NALCN: variants seen among roughly 807,000 people sequenced by gnomAD.
The protein encoded by NALCN is sodium leak channel, non-selective, also known as sodium leak channel NALCN.
A neutral mutation model predicts 225.3 loss-of-function variants in NALCN; 111 were observed. The ratio of observed to expected loss-of-function variants is 0.49; its 90% CI spans 0.42 to 0.58. The LOEUF (loss-of-function observed/expected upper bound fraction) is 0.58, where lower values mean the gene tolerates loss of function less well. Among genes scored for constraint, NALCN ranks in the 20% least tolerant of loss-of-function variants. The probability of loss-of-function intolerance (pLI) is 0.00; values close to 1 mark genes in which losing one functional copy is unlikely to be tolerated. For synonymous variants in NALCN, 764 were observed against 769.0 expected, an observed-to-expected ratio of 0.99 and a Z score of 0.11; for missense variants, 1,378 against 2,202.4, an observed-to-expected ratio of 0.63 and a Z score of 7.49.
chr13:101,135,859 A>T (rs1323864258), intron 17 of NALCN, among the ~76,000 whole-genome samples: 1 of 152,216 alleles, frequency 6.6e-6, no homozygotes, highest in Non-Finnish European at 1.5e-5. Flanking sequence ...TAAATTTCCA[A>T]GATAGATTTA....
At chr13:101,235,095 TATATA>T (rs1239627815) in intron 12 of NALCN, among the ~76,000 whole-genome samples, 8 of 151,742 alleles carry the variant, frequency 5.3e-5, no homozygotes, top group South Asian at 2.1e-4. Flanking sequence ...TGTAGTTATG[TATATA>T]ATATAATTTA....
At chr13:101,366,674 T>C (rs187516900) in intron 6 of NALCN, among the ~76,000 whole-genome samples, 1 of 152,302 alleles carries the variant, frequency 6.6e-6, no homozygotes, top group East Asian at 1.9e-4. Flanking sequence ...ATTGTATTAC[T>C]TTAATGCAGC....
Position 101,274,431 on chromosome 13 carries a change from T to C in NALCN, c.1134+9502A>G, listed in dbSNP as rs78506948. Among the ~76,000 whole-genome samples the C allele has an allele frequency of 7.8e-3, 1,190 of 152,352 alleles. 22 individuals carry two copies. Among genetic ancestry groups the C allele is most frequent in the African/African-American group, 0.026 (1,091 of 41,590 alleles). The stretch of plus-strand genomic sequence containing the variant: ...TATGTGACCTTCATCAAATTCCTTA[T>C]GCTGTCTGTGCCTCAACCTCCTCTT... On this transcript the variant is annotated intron_variant, in intron 10 of 43. Coordinates refer to ENST00000251127, the MANE Select transcript of NALCN (RefSeq NM_052867.4).
At chr13:101,390,463 C>A (rs2047113648) in intron 3 of NALCN, among the ~76,000 whole-genome samples, 2 of 152,082 alleles carry the variant, frequency 1.3e-5, no homozygotes, top group Admixed American at 6.5e-5. Flanking sequence ...AAAGGAAAGA[C>A]CAAACCATAG....
intron 7 of NALCN, among the ~76,000 whole-genome samples, chr13:101,296,122 C>A (rs928423602): frequency 1.3e-5 from 2 of 152,174 alleles, no homozygotes; most frequent in African/African-American, 4.8e-5. Flanking sequence ...TTAGTACTCC[C>A]AGAGAGCCTC....
intron 15 of NALCN, among the ~76,000 whole-genome samples, chr13:101,154,231 C>T (rs565929624): frequency 2.0e-5 from 3 of 152,296 alleles, no homozygotes; most frequent in East Asian, 1.9e-4. Flanking sequence ...AATTAGCTGC[C>T]TGAAGTCACA....
intron 10 of NALCN, among the ~76,000 whole-genome samples, chr13:101,275,571 T>C (rs969236628): frequency 6.6e-6 from 1 of 152,140 alleles, no homozygotes. Flanking sequence ...CAGAGTCTTA[T>C]CTCTAACAGA....
chr13:101,389,189 T>C (rs1205078740), intron 3 of NALCN, among the ~76,000 whole-genome samples: 4 of 152,188 alleles, frequency 2.6e-5, no homozygotes, highest in Non-Finnish European at 5.9e-5. Flanking sequence ...TCATTGAAGC[T>C]ATGGAGGATG....
intron 6 of NALCN, among the ~76,000 whole-genome samples, chr13:101,355,215 A>C (rs2046019086): frequency 6.6e-6 from 1 of 152,148 alleles, no homozygotes; most frequent in African/African-American, 2.4e-5. Flanking sequence ...ACCATGAGCC[A>C]ATTAAACCTT....
chr13:101,128,426 G>A (rs753149862), intron 17 of NALCN, among the ~76,000 whole-genome samples: 4 of 152,180 alleles, frequency 2.6e-5, no homozygotes, highest in Non-Finnish European at 5.9e-5. Flanking sequence ...ATTTGGACCT[G>A]AAAGACATTC....
chr13:101,184,418 T>C (rs1216127486), intron 14 of NALCN, among the ~76,000 whole-genome samples: 3 of 152,214 alleles, frequency 2.0e-5, no homozygotes, highest in African/African-American at 7.2e-5. Flanking sequence ...CTTTCTCTAA[T>C]ACCTCCTCTT....
Position 101,395,137 on chromosome 13 carries a change from T to A in NALCN, c.291+46A>T, listed in dbSNP as rs376126516. 3.2e-6 allele frequency: 5 copies of A among 1,551,594 alleles called. No individual in the cohort carries two copies. In the Admixed American group the frequency reaches 9.6e-5, roughly 30 times the overall value. ...AAATATGATTAAAGGGATTAAGACT[T>A]TCAACACATTTAGGTTCTTAGTTTA... On this transcript the variant is annotated intron_variant, in intron 3 of 43. Transcript: ENST00000251127.
At chr13:101,234,643 G>T (rs1424675399) in intron 12 of NALCN, among the ~76,000 whole-genome samples, 1 of 152,156 alleles carries the variant, frequency 6.6e-6, no homozygotes, top group Non-Finnish European at 1.5e-5. Flanking sequence ...AATTAACTGA[G>T]ATCATTTTTA....
intron 10 of NALCN, among the ~76,000 whole-genome samples, chr13:101,278,279 C>T (rs1470839995): frequency 6.6e-6 from 1 of 152,006 alleles, no homozygotes; most frequent in African/African-American, 2.4e-5. Context: ...AATCCCAGCA[C>T]TTTGGGAGGC....
At chr13:101,322,697 C>A (rs1462707548) in intron 7 of NALCN, among the ~76,000 whole-genome samples, 1 of 151,996 alleles carries the variant, frequency 6.6e-6, no homozygotes, top group Admixed American at 6.6e-5. Context: ...ATTTAAAAAT[C>A]TCTAAGCGTG....
intron 28 of NALCN, among the ~76,000 whole-genome samples, chr13:101,090,887 T>C (rs753220830): frequency 2.6e-5 from 4 of 152,156 alleles, no homozygotes; most frequent in Non-Finnish European, 5.9e-5. Flanking sequence ...CCATTTGAAG[T>C]CCCCGCTGTC....
intron 12 of NALCN, among the ~76,000 whole-genome samples, chr13:101,237,157 C>T (rs1438981149): frequency 1.3e-5 from 2 of 151,444 alleles, no homozygotes; most frequent in Non-Finnish European, 2.9e-5. Flanking sequence ...AATTAGAAAG[C>T]AATGTGATCC....
chr13:101,124,818 T>A, intron 17 of NALCN, 137 bp from the exon 18 acceptor site: 1 of 818,788 alleles, frequency 1.2e-6, no homozygotes, highest in Non-Finnish European at 1.9e-6. Flanking sequence ...AATTGACAAT[T>A]CTTGTCTATT....
chr13:101,215,512 A>G (rs1461984453), intron 13 of NALCN, among the ~76,000 whole-genome samples: 1 of 152,094 alleles, frequency 6.6e-6, no homozygotes, highest in Non-Finnish European at 1.5e-5. Flanking sequence ...GTGGAAATCA[A>G]GATGCTGGCT....
Sources: allele counts gnomAD v4.1 joint callset (sites outside exome capture counted in the v4.1 genomes callset), GRCh38; gene constraint gnomAD v4.1.1; transcripts MANE v1.5; gene names NCBI Gene and HGNC (gene_info 2026-07-23, HGNC 2026-07-21).